SLC25A20: variants seen among roughly 807,000 people sequenced by gnomAD.
The protein encoded by SLC25A20 is solute carrier family 25 member 20.
A neutral mutation model predicts 39.7 loss-of-function variants in SLC25A20; 29 were observed. The observed-to-expected ratio is 0.73, with a 90% CI of 0.54 to 1.00. SLC25A20 has a LOEUF of 1.00. SLC25A20 is among the 50% of genes least tolerant of loss of function. The pLI, the probability that SLC25A20 is intolerant of heterozygous loss-of-function variation, is 0.00. For synonymous variants in SLC25A20, 103 were observed against 142.2 expected (o/e 0.72, Z 1.96); for missense variants, 333 against 379.9 (o/e 0.88, Z 1.03).
intron 4 of SLC25A20, among the ~76,000 whole-genome samples, chr3:48,871,566 G>A (rs2083715277): frequency 6.6e-6 from 1 of 151,906 alleles, no homozygotes; most frequent in Admixed American, 6.6e-5. Context: ...TAGGGAGTTC[G>A]AGACCAGCCT....
intron 1 of SLC25A20, among the ~76,000 whole-genome samples, chr3:48,895,351 C>T (rs533331822): frequency 1.3e-3 from 191 of 152,206 alleles, no homozygotes; most frequent in Non-Finnish European, 2.3e-3. Context: ...CCATGTTGGT[C>T]ACCTGCTCTT....
In SLC25A20 at chr3:48,864,364, A is replaced by T. The variant is rs2083650219; in HGVS notation, c.418-1705T>A. Among the ~76,000 whole-genome samples, 5 of 150,048 alleles carry T rather than the reference A, an allele frequency of 3.3e-5. No individual in the cohort carries two copies. In the South Asian group the frequency reaches 1.0e-3, roughly 31 times the overall value. ...CTCTGTCTCAAAAAAAAAAAAAAAA[A>T]AAAAAAAAAAAAGCAACAAATATGT... On this transcript the variant is annotated intron_variant, in intron 4 of 8. Coordinates refer to ENST00000319017, the MANE Select transcript of SLC25A20 (RefSeq NM_000387.6).
intron 3 of SLC25A20, among the ~76,000 whole-genome samples, chr3:48,881,670 T>C (rs1165449345): frequency 6.6e-6 from 1 of 152,138 alleles, no homozygotes; most frequent in African/African-American, 2.4e-5. Flanking sequence ...AGACTGTTTT[T>C]CTGAGTGCTG....
chr3:48,890,936 G>A (rs1240650203), intron 2 of SLC25A20, among the ~76,000 whole-genome samples: 1 of 151,598 alleles, frequency 6.6e-6, no homozygotes, highest in Non-Finnish European at 1.5e-5. Context: ...TCACAGGCGT[G>A]AGCCAGCGCG....
chr3:48,896,611 A>C (rs979558161), intron 1 of SLC25A20, among the ~76,000 whole-genome samples: 7 of 151,964 alleles, frequency 4.6e-5, no homozygotes, highest in Non-Finnish European at 1.0e-4. Context: ...TGTGGGTTCA[A>C]GCGATTCTCC....
chr3:48,878,262 CAA>C (rs1257374907), intron 4 of SLC25A20, among the ~76,000 whole-genome samples: 1,327 of 106,812 alleles, frequency 0.012, 18 homozygotes, highest in African/African-American at 0.039. Context: ...TCCATCTCCA[CAA>C]AAAAAAAAAA....
intron 1 of SLC25A20, among the ~76,000 whole-genome samples, chr3:48,894,673 T>C (rs1361026414): frequency 6.6e-6 from 1 of 152,196 alleles, no homozygotes; most frequent in East Asian, 1.9e-4. Context: ...TCACCTAAGC[T>C]GGCATGCAGT....
chr3:48,879,258 C>G (rs183712752), intron 4 of SLC25A20, 100 bp downstream of exon 4: 1 of 920,532 alleles, frequency 1.1e-6, no homozygotes, highest in African/African-American at 1.6e-5. Flanking sequence ...GCCACTGCAC[C>G]CAGTCCTGAA....
intron 4 of SLC25A20, among the ~76,000 whole-genome samples, chr3:48,876,513 C>T (rs2083758376): frequency 6.7e-6 from 1 of 149,024 alleles, no homozygotes; most frequent in Non-Finnish European, 1.5e-5. Context: ...GAAAACTCCA[C>T]CTCCTGGATT....
At chr3:48,859,754 C>T (rs570958147) in intron 5 of SLC25A20, 127 bp from the exon 6 acceptor site, 29 of 753,542 alleles carry the variant, frequency 3.8e-5, no homozygotes, top group African/African-American at 2.8e-4. Context: ...AGGAGGTCCG[C>T]GCTTGGCCTG....
intron 1 of SLC25A20, among the ~76,000 whole-genome samples, chr3:48,892,571 T>A (rs2083885054): frequency 6.6e-6 from 1 of 152,144 alleles, no homozygotes; most frequent in African/African-American, 2.4e-5. Context: ...AAAGAACCAA[T>A]GATTCAGTTC....
chr3:48,859,034 G>A (rs1156698439), intron 7 of SLC25A20, 58 bp downstream of exon 7: 1 of 1,387,492 alleles, frequency 7.2e-7, no homozygotes, highest in Non-Finnish European at 1.0e-6. Context: ...TGCACCCCAG[G>A]ATTAGCCAGT....
chr3:48,863,600 G>C (rs931558607), intron 4 of SLC25A20, among the ~76,000 whole-genome samples: 1 of 152,198 alleles, frequency 6.6e-6, no homozygotes, highest in African/African-American at 2.4e-5. Flanking sequence ...GAACACACAA[G>C]AGCATCAACC....
chr3:48,881,955 G>C (rs542102456), intron 3 of SLC25A20, among the ~76,000 whole-genome samples: 9 of 152,136 alleles, frequency 5.9e-5, no homozygotes, highest in Non-Finnish European at 1.3e-4. Flanking sequence ...CACTCTACAA[G>C]CACCTCCATC....
At chr3:48,860,223 C>T (rs569616803) in intron 5 of SLC25A20, among the ~76,000 whole-genome samples, 152 of 151,580 alleles carry the variant, frequency 1.0e-3, no homozygotes, top group Non-Finnish European at 1.8e-3. Context: ...ATGGCTTGAA[C>T]CCGGGAGGTG....
chr3:48,859,625 C>T lies in SLC25A20; in HGVS notation c.538G>A (p.Val180Ile). Residue 180 changes from valine to isoleucine, a missense_variant and splice_region_variant, in exon 6 of 9, where the codon GTC (valine) becomes ATC (isoleucine). Coordinates refer to ENST00000319017, the MANE Select transcript of SLC25A20 (RefSeq NM_000387.6). Reference sequence around the variant, plus strand: ...ATGAAATACATTCCACTAGCTGGGACATCTGTTAGTGGCAAGAAAAAGGTG... The same window carrying T: ...ATGAAATACATTCCACTAGCTGGGATATCTGTTAGTGGCAAGAAAAAGGTG... ...KGTVLTLMRD[V>I]PASGMYFMTY... The T allele has an allele frequency of 1.2e-6, 2 of 1,610,996 alleles. No individual in the cohort carries two copies. The highest frequency in any genetic ancestry group is 8.5e-7 in the Non-Finnish European group (1 of 1,177,160).
At chr3:48,890,010 A>G (rs1297723815) in intron 2 of SLC25A20, among the ~76,000 whole-genome samples, 2 of 152,172 alleles carry the variant, frequency 1.3e-5, no homozygotes, top group African/African-American at 4.8e-5. Flanking sequence ...GGCACCCGTT[A>G]CTTAGCAGAC....
chr3:48,893,888 CGG>C (rs1559672863), intron 1 of SLC25A20, among the ~76,000 whole-genome samples: 64 of 149,082 alleles, frequency 4.3e-4, no homozygotes, highest in African/African-American at 1.5e-3. Context: ...AGGCCAGGCG[CGG>C]TGGCTCACAC....
intron 4 of SLC25A20, among the ~76,000 whole-genome samples, chr3:48,863,939 C>T (rs1373525307): frequency 4.6e-5 from 7 of 150,826 alleles, no homozygotes; most frequent in Non-Finnish European, 8.9e-5. Context: ...CGCTTGAACC[C>T]AGGAGGTGGA....
Sources: gnomAD v4.1 joint callset for allele counts (sites outside exome capture counted in the v4.1 genomes callset) on GRCh38, gnomAD v4.1.1 for gene constraint, MANE v1.5 for transcripts, NCBI Gene and HGNC (gene_info 2026-07-23, HGNC 2026-07-21) for gene names.